SLC1A6: variants seen among roughly 807,000 people sequenced by gnomAD.
SLC1A6 encodes excitatory amino acid transporter 4.
A neutral mutation model predicts 42.1 loss-of-function variants in SLC1A6; 15 were observed. The ratio of observed to expected loss-of-function variants is 0.36; its 90% confidence interval spans 0.24 to 0.55. SLC1A6 has a LOEUF of 0.55. Among genes scored for constraint, SLC1A6 ranks in the 20% least tolerant of loss-of-function variants. The pLI, the probability that SLC1A6 is intolerant of heterozygous loss-of-function variation, is 0.88. For synonymous variants in SLC1A6, 317 were observed against 319.7 expected (o/e 0.99, Z 0.09); for missense variants, 542 against 772.5 (o/e 0.70, Z 3.54).
chr19:14,998,309 G>C (rs2045856621), intron 1 of SLC1A6, among the ~76,000 whole-genome samples: 1 of 152,144 alleles, frequency 6.6e-6, no homozygotes, highest in South Asian at 2.1e-4. Context: ...GGGAGGCCAA[G>C]GTGGGCAGAT....
chr19:14,954,928 T>C (rs750754508), intron 7 of SLC1A6, among the ~76,000 whole-genome samples: 22 of 152,212 alleles, frequency 1.4e-4, no homozygotes, highest in Non-Finnish European at 2.9e-5. Flanking sequence ...AAAGGTCTGC[T>C]GACTTCAGGG....
intron 1 of SLC1A6, among the ~76,000 whole-genome samples, chr19:14,975,848 A>C (rs1317257387): frequency 6.2e-5 from 8 of 128,022 alleles, no homozygotes; most frequent in Non-Finnish European, 4.8e-5. Context: ...AAGGGGACAA[A>C]GGGAAGGGAA....
Position 14,964,261 on chromosome 19 carries a change from C to A in SLC1A6, c.591+58G>T, listed in dbSNP as rs551365351. The A allele has an allele frequency of 5.4e-5, 80 of 1,472,212 alleles. No homozygotes were observed. The East Asian group carries it at 1.7e-3, about 31-fold the overall frequency. 91.2% of individuals were successfully genotyped at this position (1,472,212 alleles called of 1,614,324 possible). A position where few individuals can be genotyped will look rare whatever the true frequency, so the allele number is the denominator to read the frequency against. On this transcript the variant is annotated intron_variant, in intron 5 of 9. Coordinates refer to ENST00000594383, the MANE Select transcript of SLC1A6 (RefSeq NM_005071.3). ...TCTTGCCCTTGGACCATCCCTTCAG[C>A]CCCAAGCTCCCACCACCCTCCGAAT...
rs1012397561 is a variant in SLC1A6 at position 14,956,188 on chromosome 19, G to A, written c.1169+288C>T. Among the ~76,000 whole-genome samples, 3 of 152,168 alleles carry A rather than the reference G, an allele frequency of 2.0e-5. No homozygotes were observed. In the South Asian group the frequency reaches 6.2e-4, roughly 32 times the overall value. ...GTGGAGATGACACCCTCTGAGCTAG[G>A]AAATGACTGAGCTCATGGGGCATCC... is the stretch of plus-strand genomic sequence containing the variant. On this transcript the variant is annotated intron_variant, in intron 7 of 9. Transcript: ENST00000594383.
intron 1 of SLC1A6, among the ~76,000 whole-genome samples, chr19:14,990,499 G>A (rs1211320871): frequency 6.6e-6 from 1 of 152,230 alleles, no homozygotes; most frequent in African/African-American, 2.4e-5. Context: ...GCTGGGTGCA[G>A]TGGCTCATGC....
At chr19:14,989,303 C>T (rs80184599) in intron 1 of SLC1A6, among the ~76,000 whole-genome samples, 5,342 of 152,142 alleles carry the variant, frequency 0.035, 224 homozygotes, top group East Asian at 0.22. Context: ...CTCTGGTTGC[C>T]CAGGCTGGAG....
At chr19:14,981,972 C>T (rs544568694), upstream of SLC1A6, among the ~76,000 whole-genome samples, 10 of 151,918 alleles carry the variant, frequency 6.6e-5, no homozygotes, top group South Asian at 6.2e-4. Flanking sequence ...AATCTGGGAC[C>T]GCTTGAGTCC....
chr19:14,981,617 G>A (rs149448155), upstream of SLC1A6, among the ~76,000 whole-genome samples: 15 of 152,302 alleles, frequency 9.8e-5, no homozygotes, highest in South Asian at 2.9e-3. Flanking sequence ...ACTTGGATGT[G>A]CTAGAGGCTG....
rs1403188679 is a variant in SLC1A6 at position 14,979,581 on chromosome 19, C to T, written c.-280G>A. 1 of 150,906 alleles carries T rather than the reference C, an allele frequency of 6.6e-6. No individual in the cohort carries two copies. Among genetic ancestry groups the T allele is most frequent in the Non-Finnish European group, 1.5e-5 (1 of 67,630 alleles). The allele number at this position is 150,906 out of a possible 1,614,324, so 9.3% of individuals were successfully genotyped here. On this transcript the variant is annotated 5_prime_UTR_variant, in exon 1 of 10. Transcript: ENST00000594383. This position sits in a 1 kb window ranked among gnomAD's most constrained non-coding sequence, Gnocchi z 4.2. ...GCGCGCTGCGCCCGGATGCAGGAGC[C>T]GGAGCCCGGCGAAGCGCCCGGCCGG... is the stretch of plus-strand genomic sequence containing the variant.
At position 14,951,537 on chromosome 19, in the gene SLC1A6, A is replaced by G. The variant is rs920900857; in HGVS notation, c.1500-1147T>C. Among the ~76,000 whole-genome samples the G allele has an allele frequency of 3.5e-5, 4 of 114,238 alleles. No individual in the cohort carries two copies. The Admixed American group carries it at 3.6e-4, about 10-fold the overall frequency. 74.9% of individuals were successfully genotyped at this position (114,238 alleles called of 152,430 possible). A position where few individuals can be genotyped will look rare whatever the true frequency, so the allele number is the denominator to read the frequency against. ...TTTGTTTTTGTTTTTGTTTTTTGAG[A>G]TGGTGTTTCACTCCTGTTGCCCAGG... On this transcript the variant is annotated intron_variant, in intron 9 of 9. Coordinates refer to ENST00000594383, the MANE Select transcript of SLC1A6 (RefSeq NM_005071.3).
intron 1 of SLC1A6, among the ~76,000 whole-genome samples, chr19:14,989,529 G>A (rs1043704640): frequency 1.3e-5 from 2 of 151,796 alleles, no homozygotes; most frequent in African/African-American, 4.8e-5. Context: ...CCAAAGTGTG[G>A]AATTACAGGC....
intron 2 of SLC1A6, among the ~76,000 whole-genome samples, 176 bp downstream of exon 2, chr19:14,972,530 G>A (rs1327833458): frequency 6.6e-6 from 1 of 150,922 alleles, no homozygotes; most frequent in African/African-American, 2.5e-5. Flanking sequence ...TTGCACACAT[G>A]TGTATTCATC....
chr19:15,010,288 A>G (rs967413096), intron 1 of SLC1A6, among the ~76,000 whole-genome samples: 3 of 152,186 alleles, frequency 2.0e-5, no homozygotes, highest in Admixed American at 1.3e-4. Flanking sequence ...CAAGGACACC[A>G]AGAACCCAGC....
chr19:14,968,440 C>T lies in SLC1A6; in HGVS notation c.411G>A (p.Val137=). 1 of 1,613,706 alleles carries T rather than the reference C, an allele frequency of 6.2e-7. No homozygotes were observed. Among genetic ancestry groups the T allele is most frequent in the Non-Finnish European group, 8.5e-7 (1 of 1,179,894 alleles). ...MGMRAAVYYM[V]TTIIAVFIGI... is the part of the protein sequence containing the mutation. The stretch of plus-strand genomic sequence containing the variant: ...CGATGAAGACCGCGATGATGGTGGT[C>T]ACCATGTAGTACACAGCTGCCCGCA... The change falls in exon 4 of 10, where the codon GTG becomes GTA. Residue 137 remains valine, a synonymous_variant. Coordinates refer to ENST00000594383, the MANE Select transcript of SLC1A6 (RefSeq NM_005071.3).
chr19:15,001,694 T>C (rs2045873249), intron 1 of SLC1A6, among the ~76,000 whole-genome samples: 2 of 151,112 alleles, frequency 1.3e-5, no homozygotes, highest in African/African-American at 4.8e-5. Context: ...AGGGTCTCAC[T>C]CTGTCACTCA....
intron 4 of SLC1A6, among the ~76,000 whole-genome samples, chr19:14,964,693 C>T: frequency 6.6e-6 from 1 of 152,170 alleles, no homozygotes; most frequent in East Asian, 1.9e-4. Context: ...CCTACATCAC[C>T]TCAAGGACTT....
At chr19:14,952,784 G>T in intron 9 of SLC1A6, 144 bp downstream of exon 9, 1 of 948,662 alleles carries the variant, frequency 1.1e-6, no homozygotes, top group Non-Finnish European at 1.5e-6. Flanking sequence ...TGGATTGGAG[G>T]CCTCTCCAAG....
chr19:14,953,630 C>T (rs1251634617), intron 8 of SLC1A6, among the ~76,000 whole-genome samples: 1 of 152,044 alleles, frequency 6.6e-6, no homozygotes, highest in African/African-American at 2.4e-5. Context: ...GGAGATAGTA[C>T]TACACGGGGA....
intron 6 of SLC1A6, among the ~76,000 whole-genome samples, chr19:14,959,938 C>G (rs770374234): frequency 2.5e-4 from 38 of 152,284 alleles, no homozygotes; most frequent in Admixed American, 1.7e-3. Flanking sequence ...AACCTACCAC[C>G]TTGTGTTATA....
Sources: gnomAD v4.1 joint callset for allele counts (sites outside exome capture counted in the v4.1 genomes callset) on GRCh38, gnomAD v4.1.1 for gene constraint, Gnocchi (gnomAD v3.1) non-coding constraint, MANE v1.5 for transcripts, NCBI Gene and HGNC (gene_info 2026-07-23, HGNC 2026-07-21) for gene names.